Variants in ZBTB20 observed in about 807,000 individuals in gnomAD.
ZBTB20 encodes zinc finger and BTB domain containing 20, also known as zinc finger and BTB domain-containing protein 20.
A neutral mutation model predicts 56.9 loss-of-function variants in ZBTB20; 9 were observed. The ratio of observed to expected loss-of-function variants is 0.16; its 90% CI spans 0.10 to 0.28. The LOEUF (loss-of-function observed/expected upper bound fraction) is 0.28. ZBTB20 is among the 10% of genes least tolerant of loss of function. The pLI is 1.00. For missense variants in ZBTB20, 655 were observed against 1,003.0 expected (o/e 0.65, Z 4.69); for synonymous variants, 417 against 420.7 (o/e 0.99, Z 0.11).
intron 6 of ZBTB20, among the ~76,000 whole-genome samples, chr3:114,583,703 G>A (rs1432424182): frequency 1.3e-5 from 2 of 152,116 alleles, no homozygotes; most frequent in Non-Finnish European, 2.9e-5. Context: ...ATAAGAAACG[G>A]CTTAGAAAGA....
At chr3:114,699,021 T>C (rs1476131613) in intron 5 of ZBTB20, among the ~76,000 whole-genome samples, 1 of 152,178 alleles carries the variant, frequency 6.6e-6, no homozygotes, top group Non-Finnish European at 1.5e-5. Flanking sequence ...GCTATATTGC[T>C]CTATCATTAA....
At chr3:114,986,226 C>T (rs1560464256) in intron 2 of ZBTB20, among the ~76,000 whole-genome samples, 1 of 152,034 alleles carries the variant, frequency 6.6e-6, no homozygotes, top group Non-Finnish European at 1.5e-5. Flanking sequence ...ATCACTGCCG[C>T]CTAATCCTGC....
intron 6 of ZBTB20, among the ~76,000 whole-genome samples, chr3:114,504,161 T>C (rs887385303): frequency 1.3e-5 from 2 of 152,182 alleles, no homozygotes; most frequent in African/African-American, 4.8e-5. Context: ...GGGTATGTGG[T>C]TAGAGCCACA....
intron 7 of ZBTB20, among the ~76,000 whole-genome samples, chr3:114,473,513 T>C (rs1399439596): frequency 3.3e-5 from 5 of 152,126 alleles, no homozygotes; most frequent in African/African-American, 1.2e-4. Flanking sequence ...ACCCAGGATG[T>C]GTCTCAGAAT....
Position 114,720,775 on chromosome 3 carries a change from T to C in ZBTB20, c.-342-27200A>G, listed in dbSNP as rs150685089. Reference sequence around the variant, plus strand: ...TTTGATTTTCTTTGATAGATGCTATTGGGTAAATAATGATGTGTATGGAGA... The same window carrying C: ...TTTGATTTTCTTTGATAGATGCTATCGGGTAAATAATGATGTGTATGGAGA... On this transcript the variant is annotated intron_variant, in intron 5 of 11. Coordinates refer to ENST00000675478, the MANE Select transcript of ZBTB20 (RefSeq NM_001348800.3). 4.8e-4 allele frequency among the ~76,000 whole-genome samples: 73 copies of C among 152,282 alleles called. 1 individual carries two copies. The highest frequency in any genetic ancestry group is 3.1e-3 in the South Asian group (15 of 4,826).
At chr3:114,813,337 T>A (rs1312165421) in intron 4 of ZBTB20, among the ~76,000 whole-genome samples, 1 of 152,262 alleles carries the variant, frequency 6.6e-6, no homozygotes, top group South Asian at 2.1e-4. Flanking sequence ...TTTCTGTTCC[T>A]GTGGAATGGT....
chr3:115,090,221 T>G (rs914205876), intron 1 of ZBTB20, among the ~76,000 whole-genome samples: 3 of 151,744 alleles, frequency 2.0e-5, no homozygotes, highest in Admixed American at 2.0e-4. Flanking sequence ...CAACTCAGGA[T>G]GCCTGAGTTC....
intron 3 of ZBTB20, among the ~76,000 whole-genome samples, chr3:114,923,357 C>A (rs887696608): frequency 6.6e-6 from 1 of 152,148 alleles, no homozygotes; most frequent in African/African-American, 2.4e-5. Flanking sequence ...TAGTTTGGTA[C>A]CAGCATAAAA....
intron 7 of ZBTB20, among the ~76,000 whole-genome samples, chr3:114,444,772 T>A (rs2091163030): frequency 6.6e-6 from 1 of 152,166 alleles, no homozygotes; most frequent in Non-Finnish European, 1.5e-5. Flanking sequence ...ATCCTTCTAT[T>A]CTTCTCTATT....
chr3:114,740,461 A>C lies in ZBTB20; in HGVS notation c.-342-46886T>G, dbSNP rs2066494760. 5.9e-5 allele frequency among the ~76,000 whole-genome samples: 9 copies of C among 152,232 alleles called. No homozygotes were observed. The South Asian group carries it at 1.9e-3, about 32-fold the overall frequency. On this transcript the variant is annotated intron_variant, in intron 5 of 11. Coordinates refer to ENST00000675478, the MANE Select transcript of ZBTB20 (RefSeq NM_001348800.3). ...GTCCATAATTAAGTTTTTAGGGAAA[A>C]ATAACAATATATGTTGGTTAAGGAC...
chr3:114,361,241 T>G (rs1012642189), intron 10 of ZBTB20, among the ~76,000 whole-genome samples: 2 of 152,200 alleles, frequency 1.3e-5, no homozygotes, highest in African/African-American at 4.8e-5. Flanking sequence ...GTGTGTGGAT[T>G]ACATTCATTT....
At chr3:115,027,816 C>T (rs530606200) in intron 2 of ZBTB20, among the ~76,000 whole-genome samples, 1 of 150,758 alleles carries the variant, frequency 6.6e-6, no homozygotes, top group South Asian at 2.1e-4. Context: ...AAAATTGACT[C>T]TATAAATGGA....
chr3:114,602,068 G>A (rs1215034519), intron 6 of ZBTB20, among the ~76,000 whole-genome samples: 1 of 151,982 alleles, frequency 6.6e-6, no homozygotes, highest in African/African-American at 2.4e-5. Flanking sequence ...TATTTAATGA[G>A]TCCTCCTCCA....
intron 4 of ZBTB20, among the ~76,000 whole-genome samples, chr3:114,855,500 T>C (rs1320853597): frequency 6.6e-6 from 1 of 152,192 alleles, no homozygotes; most frequent in Non-Finnish European, 1.5e-5. Flanking sequence ...ATGGAGATGG[T>C]TCTCTTTATG....
chr3:114,670,135 G>A (rs1198907790), intron 6 of ZBTB20, among the ~76,000 whole-genome samples: 1 of 152,082 alleles, frequency 6.6e-6, no homozygotes, highest in East Asian at 1.9e-4. Context: ...ATTCATAAGA[G>A]CATTTGGATA....
chr3:114,851,644 C>A (rs1413700732), intron 4 of ZBTB20, among the ~76,000 whole-genome samples: 1 of 151,856 alleles, frequency 6.6e-6, no homozygotes, highest in African/African-American at 2.4e-5. Flanking sequence ...TAGTGTGTCT[C>A]TTTTTTATTT....
chr3:114,353,232 C>T (rs1180813339), intron 10 of ZBTB20, among the ~76,000 whole-genome samples: 2 of 152,156 alleles, frequency 1.3e-5, no homozygotes, highest in South Asian at 2.1e-4. Context: ...TTGGCCTGGA[C>T]CCAAATCTCT....
At chr3:114,832,665 C>G (rs1486322556) in intron 4 of ZBTB20, among the ~76,000 whole-genome samples, 1 of 152,008 alleles carries the variant, frequency 6.6e-6, no homozygotes, top group Non-Finnish European at 1.5e-5. Context: ...ATTCTCTAGG[C>G]TCAAAGTCAA....
At chr3:114,520,130 A>C (rs1006789164) in intron 6 of ZBTB20, 1 of 152,102 alleles carries the variant, frequency 6.6e-6, no homozygotes, top group Non-Finnish European at 1.5e-5. Context: ...TTCCTTCCCT[A>C]TGAAAAAGAA....
Sources: allele counts gnomAD v4.1 joint callset (sites outside exome capture counted in the v4.1 genomes callset), GRCh38; gene constraint gnomAD v4.1.1; transcripts MANE v1.5; gene names NCBI Gene and HGNC (gene_info 2026-07-23, HGNC 2026-07-21).